The following PRKCA variants were observed in gnomAD, a reference collection of about 807,000 sequenced individuals.
PRKCA encodes protein kinase C alpha type.
A neutral mutation model predicts 87.0 loss-of-function variants in PRKCA; 27 were observed. The observed-to-expected ratio is 0.31, with a 90% CI of 0.23 to 0.43. PRKCA has a LOEUF of 0.43. Among genes scored for constraint, PRKCA ranks in the 20% least tolerant of loss-of-function variants. The pLI, the probability that PRKCA is intolerant of heterozygous loss-of-function variation, is 1.00. For synonymous variants in PRKCA, 329 were observed against 311.1 expected (o/e 1.06, Z -0.61); for missense variants, 518 against 852.3 (o/e 0.61, Z 4.88).
intron 3 of PRKCA, among the ~76,000 whole-genome samples, chr17:66,551,937 A>G (rs1334954624): frequency 6.6e-6 from 1 of 152,166 alleles, no homozygotes; most frequent in Non-Finnish European, 1.5e-5. Flanking sequence ...CTGGGCCATG[A>G]GGTTTCTTTA....
At chr17:66,317,348 TTA>T (rs1905376899) in intron 2 of PRKCA, among the ~76,000 whole-genome samples, 1 of 152,122 alleles carries the variant, frequency 6.6e-6, no homozygotes, top group African/African-American at 2.4e-5. Context: ...GTTTGGAGTA[TTA>T]GTTTTCATCT....
At position 66,806,132 on chromosome 17, in the gene PRKCA, CAG is replaced by C. The variant is rs2144453486; in HGVS notation, c.*2097_*2098del. 6.6e-6 allele frequency: 1 copy of C among 152,384 alleles called. No homozygotes were observed. The highest frequency in any genetic ancestry group is 1.9e-4 in the East Asian group (1 of 5,190). The allele number at this position is 152,384 out of a possible 1,614,324, so 9.4% of individuals were successfully genotyped here. ...CAGAGTAGCCGGGTTCTACCACAAA[CAG>C]AAACAGAATGAAAGTAGCTGTCAGT... On this transcript the variant is annotated 3_prime_UTR_variant, in exon 17 of 17. Transcript: ENST00000413366.
intron 13 of PRKCA, among the ~76,000 whole-genome samples, chr17:66,747,397 C>T (rs1169357656): frequency 2.0e-5 from 3 of 152,228 alleles, no homozygotes; most frequent in African/African-American, 7.2e-5. Flanking sequence ...TCAAGTGTGC[C>T]ATGTAGAGTC....
At chr17:66,527,197 C>A (rs1466238714) in intron 3 of PRKCA, among the ~76,000 whole-genome samples, 5 of 152,208 alleles carry the variant, frequency 3.3e-5, no homozygotes, top group African/African-American at 1.2e-4. Context: ...ATCTCCGCCT[C>A]TCTACCTGCC....
chr17:66,718,681 C>G (rs1973536949), intron 8 of PRKCA, among the ~76,000 whole-genome samples: 1 of 152,172 alleles, frequency 6.6e-6, no homozygotes, highest in Non-Finnish European at 1.5e-5. Flanking sequence ...CCCTCATGAC[C>G]TAGTCACCTT....
chr17:66,748,899 C>T (rs1974362707), intron 13 of PRKCA, among the ~76,000 whole-genome samples: 1 of 152,014 alleles, frequency 6.6e-6, no homozygotes, highest in South Asian at 2.1e-4. Context: ...CCTTCCCTCT[C>T]AGCTTCAGGA....
chr17:66,666,104 C>T (rs940892915), intron 5 of PRKCA, among the ~76,000 whole-genome samples: 3 of 152,128 alleles, frequency 2.0e-5, no homozygotes, highest in African/African-American at 7.2e-5. Context: ...AGAGAAGATA[C>T]CAGGCAAGGC....
chr17:66,525,456 A>T (rs1967314022), intron 3 of PRKCA, among the ~76,000 whole-genome samples: 1 of 152,192 alleles, frequency 6.6e-6, no homozygotes, highest in South Asian at 2.1e-4. Flanking sequence ...ATCCACTTAG[A>T]GACACATTTT....
At chr17:66,458,931 G>C (rs151037731) in intron 2 of PRKCA, among the ~76,000 whole-genome samples, 15 of 152,318 alleles carry the variant, frequency 9.8e-5, no homozygotes, top group Admixed American at 2.6e-4. Context: ...CCAACCACTT[G>C]ACATGGTGCA....
At chr17:66,741,102 A>G (rs1974150281) in intron 11 of PRKCA, among the ~76,000 whole-genome samples, 1 of 152,226 alleles carries the variant, frequency 6.6e-6, no homozygotes, top group African/African-American at 2.4e-5. Flanking sequence ...AGTTTCAGCT[A>G]TTAATGTATT....
intron 2 of PRKCA, among the ~76,000 whole-genome samples, chr17:66,349,776 G>A (rs769752381): frequency 6.6e-6 from 1 of 152,058 alleles, no homozygotes; most frequent in African/African-American, 2.4e-5. Flanking sequence ...TCACTTGCAC[G>A]GCTTTGATTG....
At chr17:66,371,093 TA>T (rs1174547049) in intron 2 of PRKCA, among the ~76,000 whole-genome samples, 4 of 152,234 alleles carry the variant, frequency 2.6e-5, no homozygotes, top group African/African-American at 9.6e-5. Flanking sequence ...GCAAATAAGA[TA>T]TGATGTATGT....
chr17:66,804,823 T>G lies in PRKCA; in HGVS notation c.*786T>G. 1 of 178,094 alleles carries G rather than the reference T, an allele frequency of 5.6e-6. No individual in the cohort carries two copies. Among genetic ancestry groups the G allele is most frequent in the Non-Finnish European group, 1.1e-5 (1 of 91,406 alleles). 11.0% of individuals were successfully genotyped at this position (178,094 alleles called of 1,614,324 possible). On this transcript the variant is annotated 3_prime_UTR_variant, in exon 17 of 17. Coordinates refer to ENST00000413366, the MANE Select transcript of PRKCA (RefSeq NM_002737.3). ...TCAAGGATAAGCCAGTGTGTACATA[T>G]GTTCATTTTAATCTCTGGGAGATTA...
At chr17:66,545,393 C>T (rs909605684) in intron 3 of PRKCA, among the ~76,000 whole-genome samples, 33 of 152,318 alleles carry the variant, frequency 2.2e-4, no homozygotes, top group African/African-American at 7.7e-4. Flanking sequence ...TGTGCCACTG[C>T]ACTCCAGCCT....
chr17:66,533,200 C>T (rs1411373106), intron 3 of PRKCA, among the ~76,000 whole-genome samples: 1 of 152,182 alleles, frequency 6.6e-6, no homozygotes, highest in Non-Finnish European at 1.5e-5. Context: ...AAGTCATAGG[C>T]CCCTTTTTAT....
At chr17:66,516,228 A>G (rs1966965874) in intron 3 of PRKCA, among the ~76,000 whole-genome samples, 1 of 152,160 alleles carries the variant, frequency 6.6e-6, no homozygotes. Context: ...GGCTGCGGGT[A>G]TTAAAGGAGG....
chr17:66,425,424 A>G (rs980550214), intron 2 of PRKCA, among the ~76,000 whole-genome samples: 2 of 151,896 alleles, frequency 1.3e-5, no homozygotes, highest in South Asian at 2.1e-4. Context: ...GGCCTTCCCC[A>G]CGGTGCTGTG....
intron 2 of PRKCA, among the ~76,000 whole-genome samples, chr17:66,474,080 A>G (rs974216741): frequency 6.6e-6 from 1 of 152,218 alleles, no homozygotes; most frequent in African/African-American, 2.4e-5. Flanking sequence ...ATTTATGAAG[A>G]AGATTATTAA....
intron 3 of PRKCA, among the ~76,000 whole-genome samples, chr17:66,628,762 T>A (rs1468285640): frequency 6.6e-6 from 1 of 152,216 alleles, no homozygotes; most frequent in East Asian, 1.9e-4. Flanking sequence ...GCGCTGTGGC[T>A]CACACCTCTA....
Sources: gnomAD v4.1 joint callset for allele counts (sites outside exome capture counted in the v4.1 genomes callset) on GRCh38, gnomAD v4.1.1 for gene constraint, MANE v1.5 for transcripts, NCBI Gene and HGNC (gene_info 2026-07-23, HGNC 2026-07-21) for gene names.